ANKS1B: variants seen among roughly 807,000 people sequenced by gnomAD.
ANKS1B encodes ankyrin repeat and sterile alpha motif domain-containing protein 1B.
Under a neutral mutation model 148.3 loss-of-function variants are expected in ANKS1B, and 36 were observed. That is an observed-to-expected ratio of 0.24 (90% CI 0.19 to 0.32). The LOEUF is 0.32. Ranked by LOEUF, ANKS1B falls within the 10% of genes least tolerant of loss-of-function variation. ANKS1B has a pLI of 1.00. For missense variants in ANKS1B, 1,157 were observed against 1,542.6 expected (o/e 0.75, Z 4.19); for synonymous variants, 542 against 560.8 (o/e 0.97, Z 0.47).
chr12:99,945,888 G>C (rs763102863), intron 1 of ANKS1B, among the ~76,000 whole-genome samples: 1 of 152,162 alleles, frequency 6.6e-6, no homozygotes, highest in Non-Finnish European at 1.5e-5. Context: ...GAATGATAAT[G>C]TGTCACTTTG....
intron 1 of ANKS1B, among the ~76,000 whole-genome samples, chr12:99,890,205 A>C (rs2093024257): frequency 6.6e-6 from 1 of 152,222 alleles, no homozygotes; most frequent in Non-Finnish European, 1.5e-5. Context: ...TGTTTGGTCA[A>C]ACATAGCCTC....
At chr12:99,473,460 G>A (rs1313340465) in intron 10 of ANKS1B, among the ~76,000 whole-genome samples, 1 of 151,970 alleles carries the variant, frequency 6.6e-6, no homozygotes, top group African/African-American at 2.4e-5. Context: ...ATACCTAGTA[G>A]TACAATTAAT....
intron 22 of ANKS1B, among the ~76,000 whole-genome samples, chr12:98,784,607 G>A (rs903497149): frequency 1.3e-5 from 2 of 152,118 alleles, no homozygotes; most frequent in African/African-American, 4.8e-5. Flanking sequence ...AGCTGGAGAG[G>A]AGAACACAGT....
intron 17 of ANKS1B, among the ~76,000 whole-genome samples, chr12:99,042,821 A>C (rs1259844545): frequency 6.6e-6 from 1 of 152,236 alleles, no homozygotes; most frequent in East Asian, 1.9e-4. Context: ...GACTTGACCA[A>C]AGTGCTTTTA....
At chr12:99,670,614 A>C (rs1432568600) in intron 8 of ANKS1B, among the ~76,000 whole-genome samples, 2 of 152,192 alleles carry the variant, frequency 1.3e-5, no homozygotes, top group African/African-American at 4.8e-5. Flanking sequence ...GTGTAAAGAC[A>C]CATATCTATA....
At chr12:99,730,724 T>C (rs2059054890) in intron 8 of ANKS1B, among the ~76,000 whole-genome samples, 1 of 152,094 alleles carries the variant, frequency 6.6e-6, no homozygotes, top group Non-Finnish European at 1.5e-5. Flanking sequence ...TAGTTTGGAA[T>C]AAAGTTTCCA....
At chr12:98,742,954 G>A (rs938316470), downstream of ANKS1B, among the ~76,000 whole-genome samples, 6 of 152,264 alleles carry the variant, frequency 3.9e-5, no homozygotes, top group African/African-American at 7.2e-5. Context: ...AATGTGTTTC[G>A]AACCTTCAGA....
intron 1 of ANKS1B, among the ~76,000 whole-genome samples, chr12:99,878,720 T>TACCAA (rs1365323040): frequency 6.6e-6 from 1 of 152,194 alleles, no homozygotes; most frequent in Non-Finnish European, 1.5e-5. Flanking sequence ...TACATTGGTA[T>TACCAA]TATTTTTTAC....
At chr12:99,832,608 C>T (rs930595324) in intron 1 of ANKS1B, among the ~76,000 whole-genome samples, 1 of 151,796 alleles carries the variant, frequency 6.6e-6, no homozygotes. Flanking sequence ...CCTGTAATCC[C>T]AGCTACTCAG....
At chr12:99,429,093 C>T (rs1362617441) in intron 11 of ANKS1B, among the ~76,000 whole-genome samples, 2 of 152,090 alleles carry the variant, frequency 1.3e-5, no homozygotes, top group Admixed American at 1.3e-4. Context: ...ATGGGATATT[C>T]ACATAGTTTT....
chr12:99,873,593 A>T (rs552276274), intron 1 of ANKS1B, among the ~76,000 whole-genome samples: 1 of 152,272 alleles, frequency 6.6e-6, no homozygotes, highest in Non-Finnish European at 1.5e-5. Context: ...CCAGTTAGAC[A>T]TACCCATCTC....
intron 14 of ANKS1B, among the ~76,000 whole-genome samples, chr12:99,177,736 T>A (rs944871961): frequency 2.0e-5 from 3 of 152,238 alleles, no homozygotes; most frequent in African/African-American, 4.8e-5. Flanking sequence ...AAAACAGTGA[T>A]GTTTCATCAG....
intron 1 of ANKS1B, among the ~76,000 whole-genome samples, chr12:99,840,182 A>G (rs977946164): frequency 1.1e-4 from 16 of 152,170 alleles, no homozygotes; most frequent in African/African-American, 3.9e-4. Context: ...GTGCTGTTTT[A>G]TGCAGCATAG....
chr12:99,974,022 C>A (rs538253466), intron 1 of ANKS1B, among the ~76,000 whole-genome samples: 1 of 152,298 alleles, frequency 6.6e-6, no homozygotes, highest in East Asian at 1.9e-4. Context: ...ACGGAAACAT[C>A]TTTTGTGAAA....
At position 99,805,263 on chromosome 12, in the gene ANKS1B, C is replaced by CAAAAAAA. The variant is rs58248573; in HGVS notation, c.669+1134_669+1140dup. Among the ~76,000 whole-genome samples, 275 of 28,924 alleles carry CAAAAAAA rather than the reference C, an allele frequency of 9.5e-3. 42 individuals are homozygous for CAAAAAAA. The highest frequency in any genetic ancestry group is 0.016 in the South Asian group (6 of 378). 19.0% of individuals were successfully genotyped at this position (28,924 alleles called of 152,430 possible). On this transcript the variant is annotated intron_variant, in intron 4 of 26. Coordinates refer to ENST00000683438, the MANE Select transcript of ANKS1B (RefSeq NM_001352186.2). ...AAATAACCATGAAAGGAGGAAAAGG[C>CAAAAAAA]AAAAAAAAAAAAAAAAAAAAAAAAA...
intron 10 of ANKS1B, among the ~76,000 whole-genome samples, chr12:99,491,103 A>G (rs1241835229): frequency 6.6e-6 from 1 of 152,142 alleles, no homozygotes; most frequent in Non-Finnish European, 1.5e-5. Context: ...GGATCATGAG[A>G]TCAGGAGATG....
chr12:99,314,658 G>A (rs1351082082), intron 12 of ANKS1B, among the ~76,000 whole-genome samples: 1 of 152,066 alleles, frequency 6.6e-6, no homozygotes, highest in Non-Finnish European at 1.5e-5. Context: ...ACAAAAAAAA[G>A]CAATAGGGAA....
At chr12:99,222,801 T>C (rs545265797) in intron 14 of ANKS1B, among the ~76,000 whole-genome samples, 1 of 152,132 alleles carries the variant, frequency 6.6e-6, no homozygotes, top group Non-Finnish European at 1.5e-5. Context: ...GAAACTTTGG[T>C]GATATTTTTA....
intron 17 of ANKS1B, among the ~76,000 whole-genome samples, chr12:99,032,649 G>A (rs1390910273): frequency 6.6e-6 from 1 of 152,130 alleles, no homozygotes; most frequent in Non-Finnish European, 1.5e-5. Context: ...CACATTCACA[G>A]GTTCTACGTG....
Sources: allele counts gnomAD v4.1 joint callset (sites outside exome capture counted in the v4.1 genomes callset), GRCh38; gene constraint gnomAD v4.1.1; transcripts MANE v1.5; gene names NCBI Gene and HGNC (gene_info 2026-07-23, HGNC 2026-07-21).